Variants in SCP2 observed in about 807,000 individuals in gnomAD.
SCP2 encodes the protein sterol carrier protein 2, also known as SCP-2/3-oxoacyl-CoA thiolase.
In SCP2, 48 loss-of-function variants were observed where a neutral mutation model predicts 71.4. The ratio of observed to expected loss-of-function variants is 0.67; its 90% CI spans 0.53 to 0.86. The LOEUF (loss-of-function observed/expected upper bound fraction) is 0.86. Ranked by LOEUF, SCP2 falls within the 40% of genes least tolerant of loss-of-function variation. SCP2 has a pLI of 0.00. For synonymous variants in SCP2, 220 were observed against 218.1 expected (o/e 1.01, Z -0.08); for missense variants, 560 against 655.6 (o/e 0.85, Z 1.59).
intron 2 of SCP2, chr1:52,943,787 A>G (rs1157431849): frequency 4.5e-6 from 2 of 449,204 alleles, no homozygotes; most frequent in Non-Finnish European, 8.9e-6. Context: ...GATTTCACCG[A>G]GTGCCACAGT....
chr1:52,948,361 T>C (rs1457588122), intron 3 of SCP2, among the ~76,000 whole-genome samples: 1 of 152,180 alleles, frequency 6.6e-6, no homozygotes, highest in Admixed American at 6.5e-5. Flanking sequence ...TTTTTAAAAA[T>C]ATGGCCAGGC....
At chr1:52,989,590 C>CATA (rs1659290044) in intron 11 of SCP2, among the ~76,000 whole-genome samples, 1 of 152,154 alleles carries the variant, frequency 6.6e-6, no homozygotes, top group Non-Finnish European at 1.5e-5. Flanking sequence ...AGAGAACTGT[C>CATA]ATTATATGAC....
intron 1 of SCP2, among the ~76,000 whole-genome samples, chr1:52,931,074 G>C (rs938038500): frequency 1.3e-5 from 2 of 152,190 alleles, no homozygotes; most frequent in Admixed American, 1.3e-4. Context: ...ATCTCTGTTG[G>C]TGCTTTCCAT....
intron 11 of SCP2, among the ~76,000 whole-genome samples, chr1:52,991,386 G>GT (rs796180871): frequency 2.1e-4 from 31 of 148,034 alleles, no homozygotes; most frequent in East Asian, 9.9e-4. Context: ...TAAACCTCTT[G>GT]TTTTTTTTTT....
intron 11 of SCP2, among the ~76,000 whole-genome samples, chr1:53,001,276 A>C (rs559554763): frequency 2.6e-5 from 4 of 152,276 alleles, no homozygotes; most frequent in Non-Finnish European, 4.4e-5. Context: ...GAAGAGGAGA[A>C]AAAGGGAAAG....
intron 14 of SCP2, among the ~76,000 whole-genome samples, chr1:53,041,183 T>C (rs12094460): frequency 0.32 from 48,057 of 151,850 alleles, 12,702 homozygotes; most frequent in African/African-American, 0.72. Context: ...GCGGGCGGAT[T>C]ACGAGATCAG....
rs11552390 is a variant in SCP2 at position 53,014,996 on chromosome 1, A to G, written c.1188A>G (p.Gly396=). The change falls in exon 12 of 16, where the codon GGA becomes GGG. Residue 396 remains glycine (G), a synonymous_variant. Transcript: ENST00000371514. ...VALQHNLGIG[G]AVVVTLYKMG... is the part of the protein sequence containing the mutation. ...TGCAGCATAATTTAGGCATTGGAGG[A>G]GCTGTGGTTGTAACACTCTACAAGA... 6.2e-7 allele frequency: 1 copy of G among 1,614,152 alleles called. No individual in the cohort carries two copies. Among genetic ancestry groups the G allele is most frequent in the Non-Finnish European group, 8.5e-7 (1 of 1,180,012 alleles).
At chr1:52,952,554 A>AT (rs1354233706) in intron 4 of SCP2, among the ~76,000 whole-genome samples, 1 of 151,728 alleles carries the variant, frequency 6.6e-6, no homozygotes, top group African/African-American at 2.4e-5. Flanking sequence ...TGTTGCTTGC[A>AT]TTTTTTTTGT....
At chr1:52,935,303 G>A (rs1367196581) in intron 1 of SCP2, among the ~76,000 whole-genome samples, 1 of 151,016 alleles carries the variant, frequency 6.6e-6, no homozygotes, top group Non-Finnish European at 1.5e-5. Flanking sequence ...TCCACTTGGC[G>A]GGGCGTGGTG....
At chr1:52,948,239 A>T (rs1250778729) in intron 3 of SCP2, among the ~76,000 whole-genome samples, 159 bp downstream of exon 3, 1 of 152,256 alleles carries the variant, frequency 6.6e-6, no homozygotes, top group Admixed American at 6.5e-5. Context: ...CAGAATTCAA[A>T]GTCTGATTTA....
intron 1 of SCP2, among the ~76,000 whole-genome samples, chr1:52,937,978 G>T (rs1017498706): frequency 6.6e-6 from 1 of 151,986 alleles, no homozygotes; most frequent in Non-Finnish European, 1.5e-5. Context: ...TCTGGAAAAG[G>T]GGCAGGGAGT....
At position 53,030,466 on chromosome 1, in the gene SCP2, A is replaced by C. The variant is rs576873059; in HGVS notation, c.1338+2395A>C. Among the ~76,000 whole-genome samples, 212 of 152,218 alleles carry C rather than the reference A, an allele frequency of 1.4e-3. 2 individuals are homozygous for C. The highest frequency in any genetic ancestry group is 4.7e-3 in the African/African-American group (196 of 41,528). On this transcript the variant is annotated intron_variant, in intron 13 of 15. Coordinates refer to ENST00000371514, the MANE Select transcript of SCP2 (RefSeq NM_002979.5). The stretch of plus-strand genomic sequence containing the variant: ...AGAGTACTAACTTACAAACATTACC[A>C]ATTCATGAGAGTGACTATTTTTTCC...
chr1:53,034,983 TAG>T, intron 13 of SCP2, among the ~76,000 whole-genome samples: 1 of 152,116 alleles, frequency 6.6e-6, no homozygotes, highest in East Asian at 1.9e-4. Context: ...CGGGCACCTG[TAG>T]TCCCAGCTAC....
chr1:52,961,549 T>C lies in SCP2; in HGVS notation c.443T>C (p.Ile148Thr), dbSNP rs748097264. 1.6e-5 allele frequency: 26 copies of C among 1,613,760 alleles called. No homozygotes were observed. In the Admixed American group the frequency reaches 4.3e-4, roughly 27 times the overall value. Residue 148 changes from isoleucine to threonine, a missense_variant, in exon 6 of 16, where the codon ATC becomes ACC. Ile to Thr is a moderately conservative substitution (Grantham distance 89). This residue lies in a region of SCP2 where 513 missense variants were observed against 573.1 expected (regional missense o/e 0.90). Coordinates refer to ENST00000371514, the MANE Select transcript of SCP2 (RefSeq NM_002979.5). ...IPTDKHVDLL[I>T]NKYGLSAHPV... ...ACTGATAAGCATGTTGACCTCCTGA[T>C]CAATAAGTATGGATTGTCTGCTCAC... is the stretch of plus-strand genomic sequence containing the variant.
rs541393977 is a variant in SCP2 at position 53,032,018 on chromosome 1, G to A, written c.1338+3947G>A. Reference sequence around the variant, plus strand: ...AGTCATTCATGGGCCACTGGCTCTAGAGAAAGCTTTCCTCTCAGGTGGCCT... The same window carrying A: ...AGTCATTCATGGGCCACTGGCTCTAAAGAAAGCTTTCCTCTCAGGTGGCCT... On this transcript the variant is annotated intron_variant, in intron 13 of 15. Coordinates refer to ENST00000371514, the MANE Select transcript of SCP2 (RefSeq NM_002979.5). Among the ~76,000 whole-genome samples, 10 of 152,312 alleles carry A rather than the reference G, an allele frequency of 6.6e-5. No individual in the cohort carries two copies. In the South Asian group the frequency reaches 2.1e-3, roughly 32 times the overall value.
chr1:52,957,552 A>C (rs560717171), intron 5 of SCP2, among the ~76,000 whole-genome samples: 2 of 152,398 alleles, frequency 1.3e-5, no homozygotes, highest in South Asian at 4.1e-4. Context: ...GATATTTTAC[A>C]TGTTACTTTT....
intron 9 of SCP2, 111 bp downstream of exon 9, chr1:52,978,478 T>G: frequency 4.7e-6 from 4 of 849,420 alleles, no homozygotes; most frequent in Non-Finnish European, 7.5e-6. Flanking sequence ...AGACATGCTA[T>G]TTGTCATTAT....
At chr1:53,012,714 T>A (rs886421458) in intron 11 of SCP2, among the ~76,000 whole-genome samples, 4 of 152,254 alleles carry the variant, frequency 2.6e-5, no homozygotes, top group African/African-American at 9.6e-5. Context: ...TCCAAAAAGG[T>A]TGTCCTGGTT....
chr1:53,012,385 C>T (rs1003288496), intron 11 of SCP2, among the ~76,000 whole-genome samples: 1 of 152,232 alleles, frequency 6.6e-6, no homozygotes, highest in Non-Finnish European at 1.5e-5. Flanking sequence ...ACAACTTCCC[C>T]TGTATCTTTG....
Sources: gnomAD v4.1 joint callset for allele counts (sites outside exome capture counted in the v4.1 genomes callset) on GRCh38, gnomAD v4.1.1 for gene constraint, gnomAD v4.1.1 regional missense constraint, MANE v1.5 for transcripts, NCBI Gene and HGNC (gene_info 2026-07-23, HGNC 2026-07-21) for gene names.